Variants in MAPK10 observed in about 807,000 individuals in gnomAD.
MAPK10 encodes JNK3 alpha protein kinase.
Under a neutral mutation model 59.3 loss-of-function variants are expected in MAPK10, and 25 were observed. That is an observed-to-expected ratio of 0.42 (90% CI 0.31 to 0.59). MAPK10 has a LOEUF of 0.59. MAPK10 is among the 20% of genes least tolerant of loss of function. MAPK10 has a pLI of 0.15. For synonymous variants in MAPK10, 190 were observed against 200.5 expected (o/e 0.95, Z 0.44); for missense variants, 351 against 568.9 (o/e 0.62, Z 3.90).
chr4:86,558,255 G>C (rs376864360), intron 1 of MAPK10, among the ~76,000 whole-genome samples: 1 of 152,034 alleles, frequency 6.6e-6, no homozygotes, highest in Non-Finnish European at 1.5e-5. Flanking sequence ...ATTCAAGAAA[G>C]TATATTCTTA....
chr4:86,304,684 G>A (rs1427690184), intron 2 of MAPK10, among the ~76,000 whole-genome samples: 7 of 152,020 alleles, frequency 4.6e-5, no homozygotes, highest in South Asian at 2.1e-4. Flanking sequence ...GAGCCACCGC[G>A]CCCAGCCGTA....
chr4:86,135,172 G>T (rs1050061121), intron 4 of MAPK10, among the ~76,000 whole-genome samples: 1 of 152,208 alleles, frequency 6.6e-6, no homozygotes. Flanking sequence ...CTCCAACTGG[G>T]TGGAGCCCAC....
At chr4:86,337,771 T>C (rs552436366) in intron 2 of MAPK10, among the ~76,000 whole-genome samples, 37 of 152,296 alleles carry the variant, frequency 2.4e-4, no homozygotes, top group African/African-American at 8.9e-4. Flanking sequence ...CAACTGAATA[T>C]CACCCAGAAT....
chr4:86,410,059 A>T (rs1744933927), intron 1 of MAPK10, among the ~76,000 whole-genome samples: 2 of 152,142 alleles, frequency 1.3e-5, no homozygotes, highest in Non-Finnish European at 2.9e-5. Flanking sequence ...AGCTCTTATT[A>T]TTTTGAGATA....
Position 86,107,346 on chromosome 4 carries a change from C to T in MAPK10, c.243G>A (p.Ala81=), listed in dbSNP as rs777812515. ...GSGAQGIVCA[A]YDAVLDRNVA... ...CATTTCTGTCAAGGACAGCATCATA[C>T]GCGGCACTGTAGAGATCCAAGAGCA... The change falls in exon 5 of 14, where the codon GCG becomes GCA. Residue 81 remains alanine, a synonymous_variant. Transcript: ENST00000641462. 1.2e-5 allele frequency: 19 copies of T among 1,612,446 alleles called. No individual in the cohort carries two copies. The highest frequency in any genetic ancestry group is 3.3e-4 in the Middle Eastern group (2 of 6,066).
At chr4:86,397,334 C>A (rs957339161) in intron 1 of MAPK10, among the ~76,000 whole-genome samples, 1 of 151,928 alleles carries the variant, frequency 6.6e-6, no homozygotes, top group Non-Finnish European at 1.5e-5. Flanking sequence ...TTATCAATTT[C>A]TCCTTCAAGT....
rs1554274999 is a variant in MAPK10 at position 86,507,655 on chromosome 4, T to TATATATATAC, written c.-263+86254_-263+86255insGTATATATAT. Among the ~76,000 whole-genome samples, 142 of 71,262 alleles carry TATATATATAC rather than the reference T, an allele frequency of 2.0e-3. 11 individuals carry two copies. The highest frequency in any genetic ancestry group is 3.1e-3 in the Non-Finnish European group (108 of 34,644). 46.8% of individuals were successfully genotyped at this position (71,262 alleles called of 152,430 possible). On this transcript the variant is annotated intron_variant, in intron 1 of 4. Coordinates refer to the MAPK10 transcript ENST00000502302. ...ATATATATATATATATATATATATA[T>TATATATATAC]ATATATATATATATATAAAATCATG...
intron 13 of MAPK10, chr4:86,025,000 T>C (rs1749466045): frequency 6.6e-6 from 1 of 152,370 alleles, no homozygotes; most frequent in Admixed American, 6.5e-5. Flanking sequence ...TTTGTAAAAG[T>C]TCCCATGACA....
At chr4:86,414,032 C>A (rs1579124848) in intron 1 of MAPK10, among the ~76,000 whole-genome samples, 1 of 152,178 alleles carries the variant, frequency 6.6e-6, no homozygotes, top group Admixed American at 6.5e-5. Flanking sequence ...CGGAGCTGTT[C>A]CTATTCGGCC....
intron 2 of MAPK10, among the ~76,000 whole-genome samples, chr4:86,276,273 T>C (rs1464593994): frequency 6.6e-6 from 1 of 152,104 alleles, no homozygotes; most frequent in African/African-American, 2.4e-5. Context: ...TTTACTCTCA[T>C]GGCCCCTGAC....
chr4:86,425,688 A>G (rs1747183408), intron 1 of MAPK10, among the ~76,000 whole-genome samples: 1 of 152,202 alleles, frequency 6.6e-6, no homozygotes, highest in Admixed American at 6.5e-5. Context: ...TAATTTATTT[A>G]AGGATCGGGC....
chr4:86,066,802 T>G (rs2046840225), intron 10 of MAPK10, among the ~76,000 whole-genome samples: 1 of 150,988 alleles, frequency 6.6e-6, no homozygotes. Context: ...CAATGGATTC[T>G]TCATGAATAG....
At chr4:86,037,212 C>T (rs2040492801) in intron 11 of MAPK10, among the ~76,000 whole-genome samples, 4 of 152,164 alleles carry the variant, frequency 2.6e-5, no homozygotes, top group Admixed American at 1.3e-4. Context: ...TAACAAGTAC[C>T]TGTTCAATTC....
chr4:86,531,636 T>C (rs540963279), intron 1 of MAPK10, among the ~76,000 whole-genome samples: 1 of 152,116 alleles, frequency 6.6e-6, no homozygotes, highest in South Asian at 2.1e-4. Context: ...AGACGTAGTA[T>C]AGAAAGGGAT....
At chr4:86,269,928 T>C (rs2094380137) in intron 2 of MAPK10, among the ~76,000 whole-genome samples, 1 of 152,146 alleles carries the variant, frequency 6.6e-6, no homozygotes, top group Non-Finnish European at 1.5e-5. Flanking sequence ...GCAAGCATTT[T>C]ATCCCTCAGA....
chr4:86,251,241 T>G (rs1336213548), intron 2 of MAPK10, among the ~76,000 whole-genome samples: 1 of 152,048 alleles, frequency 6.6e-6, no homozygotes, highest in African/African-American at 2.4e-5. Flanking sequence ...TAGTTACATA[T>G]GTATACATGT....
intron 1 of MAPK10, chr4:86,356,445 G>C (rs961482499): frequency 2.7e-6 from 2 of 746,880 alleles, no homozygotes; most frequent in Non-Finnish European, 3.3e-6. Flanking sequence ...TTTATATTTA[G>C]TGATTTTCAA....
At chr4:86,412,477 T>G (rs1037010367) in intron 1 of MAPK10, among the ~76,000 whole-genome samples, 4 of 152,216 alleles carry the variant, frequency 2.6e-5, no homozygotes, top group African/African-American at 9.6e-5. Context: ...TTCTCCTGGA[T>G]AATATCCTGA....
chr4:86,031,481 C>T, intron 11 of MAPK10, 50 bp from the exon 12 acceptor site: 1 of 1,315,708 alleles, frequency 7.6e-7, no homozygotes, highest in African/African-American at 1.4e-5. Flanking sequence ...GTAAACATAA[C>T]TAAACTCTTA....
Sources: gnomAD v4.1 joint callset for allele counts (sites outside exome capture counted in the v4.1 genomes callset) on GRCh38, gnomAD v4.1.1 for gene constraint, MANE v1.5 for transcripts, NCBI Gene and HGNC (gene_info 2026-07-23, HGNC 2026-07-21) for gene names.